FKBP10: variants seen among roughly 807,000 people sequenced by gnomAD.
FKBP10 encodes the protein peptidyl-prolyl cis-trans isomerase FKBP10.
A neutral mutation model predicts 53.7 loss-of-function variants in FKBP10; 34 were observed. The observed-to-expected ratio is 0.63, with a 90% CI of 0.48 to 0.84. The LOEUF is 0.84. FKBP10 is among the 40% of genes least tolerant of loss of function. FKBP10 has a pLI of 0.00. For synonymous variants in FKBP10, 324 were observed against 335.7 expected, an observed-to-expected ratio of 0.97 and a Z score of 0.38; for missense variants, 748 against 797.8, an observed-to-expected ratio of 0.94 and a Z score of 0.75.
At position 41,818,353 on chromosome 17, in the gene FKBP10, C is replaced by G. The variant is rs368450283; in HGVS notation, c.582-29C>G. ...AGCGGGAATCCGGGGCCCAGCCTGCCTCTCCCACCTCCACCTCATTTTCTG... is the reference window on the plus strand; with the variant it reads ...AGCGGGAATCCGGGGCCCAGCCTGCGTCTCCCACCTCCACCTCATTTTCTG... On this transcript the variant is annotated intron_variant, in intron 3 of 9. Transcript: ENST00000321562. The G allele has an allele frequency of 3.1e-6, 5 of 1,614,058 alleles. No homozygotes were observed. The African/African-American group carries it at 6.7e-5, about 22-fold the overall frequency.
chr17:41,817,313 TCA>T, intron 2 of FKBP10, 110 bp downstream of exon 2: 2 of 1,416,352 alleles, frequency 1.4e-6, no homozygotes, highest in Non-Finnish European at 1.9e-6. Flanking sequence ...TTGCCCAATG[TCA>T]CACTGTGCAC....
At chr17:41,820,710 G>A in intron 7 of FKBP10, 1 of 675,428 alleles carries the variant, frequency 1.5e-6, no homozygotes. Context: ...TTCACAGAGG[G>A]GAAACTGACG....
In FKBP10 at chr17:41,821,736, G is replaced by C; in HGVS notation, c.1482G>C (p.Leu494=). The change falls in exon 9 of 10, where the codon CTG becomes CTC. Residue 494 remains leucine (L), a synonymous_variant. Coordinates refer to ENST00000321562, the MANE Select transcript of FKBP10 (RefSeq NM_021939.4). ...SREDGLPTGY[L]FVWHKDPPAN... ...AGGATGGGCTGCCCACAGGCTACCT[G>C]TTTGTGTGGCACAAGGACCCTCCTG... The C allele has an allele frequency of 6.2e-7, 1 of 1,614,158 alleles. No individual in the cohort carries two copies. Among genetic ancestry groups the C allele is most frequent in the South Asian group, 1.1e-5 (1 of 91,086 alleles).
At chr17:41,813,416 A>G (rs1278548518) in intron 1 of FKBP10, 137 bp downstream of exon 1, 1 of 1,130,534 alleles carries the variant, frequency 8.8e-7, no homozygotes, top group South Asian at 1.3e-5. Context: ...CCAGACACCC[A>G]TCTCCCCAAA....
rs576471844 is a variant in FKBP10 at position 41,820,960 on chromosome 17, G to T, written c.1270G>T (p.Ala424Ser). 3.1e-6 allele frequency: 5 copies of T among 1,611,986 alleles called. No individual in the cohort carries two copies. The highest frequency in any genetic ancestry group is 4.2e-6 in the Non-Finnish European group (5 of 1,179,446). ...TQLFTSHDYG[A>S]PQEATLGANK... Reference sequence around the variant, plus strand: ...GCTCTCCCCCAGGCATGACTACGGGGCCCCCCAGGAGGCGACTCTCGGGGC... The same window carrying T: ...GCTCTCCCCCAGGCATGACTACGGGTCCCCCCAGGAGGCGACTCTCGGGGC... The change falls in exon 8 of 10, where the codon GCC becomes TCC. Residue 424 changes from alanine (A) to serine (S), a missense_variant. Physicochemically the swap from Ala to Ser is moderately conservative, Grantham distance 99. Coordinates refer to ENST00000321562, the MANE Select transcript of FKBP10 (RefSeq NM_021939.4).
At position 41,819,239 on chromosome 17, in the gene FKBP10, G is replaced by T. The variant is rs2047855922; in HGVS notation, c.757G>T (p.Val253Phe). Residue 253 changes from valine (V) to phenylalanine (F), a missense_variant, in exon 5 of 10, where the codon GTC becomes TTC. Val to Phe is a conservative substitution (Grantham distance 50). Transcript: ENST00000321562. ...GTVIPPQASL[V>F]FHVLLIDVHN... ...AGTGATCCCCCCACAGGCCTCGCTG[G>T]TCTTTCACGTCCTCCTGATTGACGT... The T allele has an allele frequency of 1.2e-6, 2 of 1,614,066 alleles. No individual in the cohort carries two copies. Among genetic ancestry groups the T allele is most frequent in the African/African-American group, 1.3e-5 (1 of 74,916 alleles).
intron 9 of FKBP10, 46 bp from the exon 10 acceptor site, chr17:41,822,177 G>A (rs1555617276): frequency 6.3e-7 from 1 of 1,583,384 alleles, no homozygotes; most frequent in East Asian, 2.3e-5. Flanking sequence ...CCCCTCCCAA[G>A]GCCATGACCC....
At chr17:41,818,790 C>T (rs2047849287) in intron 4 of FKBP10, 1 of 464,946 alleles carries the variant, frequency 2.2e-6, no homozygotes, top group South Asian at 2.1e-5. Flanking sequence ...CCCGTCTCTA[C>T]TAAAAATACA....
At chr17:41,818,734 A>G (rs1025697760) in intron 4 of FKBP10, 71 of 625,208 alleles carry the variant, frequency 1.1e-4, no homozygotes, top group Non-Finnish European at 1.5e-4. Flanking sequence ...TTGGGAAGCC[A>G]AGGCGGGAGG....
intron 1 of FKBP10, 129 bp downstream of exon 1, chr17:41,813,408 A>G: frequency 1.6e-6 from 2 of 1,214,714 alleles, no homozygotes; most frequent in Non-Finnish European, 1.2e-6. Context: ...GGGGCCTCCC[A>G]GACACCCATC....
intron 2 of FKBP10, 86 bp downstream of exon 2, chr17:41,817,289 A>G (rs1671854748): frequency 3.9e-6 from 6 of 1,555,310 alleles, no homozygotes; most frequent in Non-Finnish European, 4.4e-6. Context: ...TGAAGTGCGG[A>G]GATGAGGAGT....
At chr17:41,821,184 G>A in intron 8 of FKBP10, 95 bp downstream of exon 8, 2 of 1,414,640 alleles carry the variant, frequency 1.4e-6, no homozygotes, top group African/African-American at 1.5e-5. Flanking sequence ...GTGCAGTGGT[G>A]TGCTCTCAGC....
At chr17:41,817,995 C>T in intron 2 of FKBP10, 94 bp from the exon 3 acceptor site, 3 of 1,319,504 alleles carry the variant, frequency 2.3e-6, no homozygotes. Flanking sequence ...TCTCTTGGTG[C>T]TGGGATGAGA....
rs35305937 is a variant in FKBP10, at chr17:41,820,817, G to A, written c.1257-130G>A. The A allele has an allele frequency of 0.11, 144,624 of 1,314,568 alleles. 8,769 individuals are homozygous for A. Among genetic ancestry groups the A allele is most frequent in the Non-Finnish European group, 0.12 (116,926 of 964,520 alleles). The allele number at this position is 1,314,568 out of a possible 1,614,324, so 81.4% of individuals were successfully genotyped here. A position where few individuals can be genotyped will look rare whatever the true frequency, so the allele number is the denominator to read the frequency against. ...CACAGCTGGGCCCCTGCACTCTGCT[G>A]CGTGGCCCAAGTCACCAGTGGGAGT... On this transcript the variant is annotated intron_variant, in intron 7 of 9. Coordinates refer to ENST00000321562, the MANE Select transcript of FKBP10 (RefSeq NM_021939.4).
chr17:41,817,328 A>G (rs1269495076), intron 2 of FKBP10, 125 bp downstream of exon 2: 14 of 1,285,136 alleles, frequency 1.1e-5, no homozygotes, highest in East Asian at 2.4e-5. Context: ...CTGTGCACGC[A>G]GTATGAAGAG....
At chr17:41,821,430 G>A (rs573360204) in intron 8 of FKBP10, among the ~76,000 whole-genome samples, 3 of 152,222 alleles carry the variant, frequency 2.0e-5, no homozygotes, top group Non-Finnish European at 2.9e-5. Context: ...GCCCGAGACC[G>A]TAATCTGACT....
rs760432800 is a variant in FKBP10, at chr17:41,821,089, G to A, written c.1399G>A (p.Ala467Thr). 5.2e-6 allele frequency: 8 copies of A among 1,535,290 alleles called. No homozygotes were observed. The highest frequency in any genetic ancestry group is 7.1e-6 in the Non-Finnish European group (8 of 1,129,284). The change falls in exon 8 of 10, where the codon GCC becomes ACC. Residue 467 changes from alanine (A) to threonine (T), a missense_variant and splice_region_variant. Transcript: ENST00000321562. ...GCACCTGGCCCACGGGGAGAGTGGA[G>A]GTGAGGGGCTGAGACCATAATCTTT... ...PPHLAHGESG[A>T]RGVPGSAVLL...
At chr17:41,813,966 C>T (rs1452584325) in intron 1 of FKBP10, among the ~76,000 whole-genome samples, 1 of 152,224 alleles carries the variant, frequency 6.6e-6, no homozygotes, top group Non-Finnish European at 1.5e-5. Flanking sequence ...ATTTTAGGTA[C>T]ACCAGGCCAG....
intron 6 of FKBP10, chr17:41,819,934 A>T: frequency 6.5e-7 from 1 of 1,536,218 alleles, no homozygotes; most frequent in Admixed American, 2.0e-5. Context: ...GGTTATGGAA[A>T]AACAGAACCA....
Sources: gnomAD v4.1 joint callset for allele counts (sites outside exome capture counted in the v4.1 genomes callset) on GRCh38, gnomAD v4.1.1 for gene constraint, MANE v1.5 for transcripts, NCBI Gene and HGNC (gene_info 2026-07-23, HGNC 2026-07-21) for gene names.